SMIM40: variants seen among roughly 807,000 people sequenced by gnomAD.
SMIM40 encodes the protein small integral membrane protein 40.
intron 1 of SMIM40, among the ~76,000 whole-genome samples, chr6:33,327,858 T>G (rs1176810091): frequency 5.4e-5 from 2 of 37,050 alleles, no homozygotes; most frequent in Admixed American, 3.0e-4. Context: ...GGAGACTCTG[T>G]CACAAAAAAA....
At chr6:33,328,488 C>A (rs1771351341) in intron 1 of SMIM40, among the ~76,000 whole-genome samples, 1 of 151,988 alleles carries the variant, frequency 6.6e-6, no homozygotes, top group Admixed American at 6.6e-5. Flanking sequence ...CTGTGCCCGG[C>A]CACAATTTTA....
At position 33,329,246 on chromosome 6, in the gene SMIM40, A is replaced by C. The variant is rs1404498838; in HGVS notation, c.20T>G (p.Val7Gly). MAEEGD[V>G]DEADVFLAFA... is the part of the protein sequence containing the mutation. Reference sequence around the variant, plus strand: ...TGCCAGGAACACATCCGCCTCGTCCACATCACCTTCCTCTGCCATCCTGAC... The same window carrying C: ...TGCCAGGAACACATCCGCCTCGTCCCCATCACCTTCCTCTGCCATCCTGAC... Residue 7 changes from valine (V) to glycine (G), a missense_variant, in exon 1 of 3, where the codon GTG (valine) becomes GGG (glycine). Coordinates refer to ENST00000494082, the MANE Select transcript of SMIM40 (RefSeq NM_001369203.1). 1 of 398,618 alleles carries C rather than the reference A, an allele frequency of 2.5e-6. No individual in the cohort carries two copies. Among genetic ancestry groups the C allele is most frequent in the Non-Finnish European group, 4.4e-6 (1 of 226,178 alleles). 24.7% of individuals were successfully genotyped at this position (398,618 alleles called of 1,614,324 possible).
chr6:33,328,886 C>CAAAAAAAAAAAAAAAAAAAAAAAAAAA (rs9280408), intron 1 of SMIM40, 101 bp downstream of exon 1: 2 of 254,322 alleles, frequency 7.9e-6, no homozygotes, highest in African/African-American at 2.6e-5. Flanking sequence ...AACTCCATCT[C>CAAAAAAAAAAAAAAAAAAAAAAAAAAA]AAAAAAAAAA....
chr6:33,327,122 T>A (rs910218299), intron 1 of SMIM40, among the ~76,000 whole-genome samples: 1 of 145,706 alleles, frequency 6.9e-6, no homozygotes, highest in African/African-American at 2.7e-5. Context: ...AGACTGTGTC[T>A]CAAAAAAATA....
chr6:33,325,368 A>G, intron 1 of SMIM40, among the ~76,000 whole-genome samples: 1 of 147,476 alleles, frequency 6.8e-6, no homozygotes. Context: ...CTGTCTCAAA[A>G]AAAAAAAAAA....
At chr6:33,328,780 G>T (rs1771370149) in intron 1 of SMIM40, among the ~76,000 whole-genome samples, 1 of 151,848 alleles carries the variant, frequency 6.6e-6, no homozygotes, top group Admixed American at 6.6e-5. Flanking sequence ...CAGCTACTCA[G>T]GAGGCTGAGG....
chr6:33,324,334 C>G (rs1415216211), intron 1 of SMIM40, among the ~76,000 whole-genome samples: 1 of 151,636 alleles, frequency 6.6e-6, no homozygotes, highest in Non-Finnish European at 1.5e-5. Flanking sequence ...AAGGAAACAC[C>G]TGCAGTACAG....
Position 33,324,545 on chromosome 6 carries a change from C to CTT in SMIM40, c.*40-517_*40-516dup, listed in dbSNP as rs9280406. ...CAAGGCACCATGAATACCACCTTTTCTTTTTTTTTTTTTTTTTTTTCCTTT... is the reference window on the plus strand; with the variant it reads ...CAAGGCACCATGAATACCACCTTTTCTTTTTTTTTTTTTTTTTTTTTTCCTTT... On this transcript the variant is annotated intron_variant, in intron 1 of 2. Transcript: ENST00000494082. Among the ~76,000 whole-genome samples, 10 of 103,206 alleles carry CTT rather than the reference C, an allele frequency of 9.7e-5. No homozygotes were observed. In the South Asian group the frequency reaches 1.0e-3, roughly 10 times the overall value. 67.7% of individuals were successfully genotyped at this position (103,206 alleles called of 152,430 possible).
At chr6:33,328,961 C>A in intron 1 of SMIM40, 26 bp downstream of exon 1, 1 of 395,244 alleles carries the variant, frequency 2.5e-6, no homozygotes, top group South Asian at 1.3e-4. Context: ...CCAACACTCC[C>A]ATTTCCCTCC....
chr6:33,324,613 G>A (rs1203997427), intron 1 of SMIM40, among the ~76,000 whole-genome samples: 1 of 138,064 alleles, frequency 7.2e-6, no homozygotes, highest in Admixed American at 7.8e-5. Context: ...GGCCGGGCGC[G>A]ATGGTTCACG....
In SMIM40 at chr6:33,325,654, A is replaced by T. The variant is rs180836342; in HGVS notation, c.*40-1624T>A. Among the ~76,000 whole-genome samples, 54 of 146,418 alleles carry T rather than the reference A, an allele frequency of 3.7e-4. 1 individual carries two copies. In the East Asian group the frequency reaches 0.01, roughly 28 times the overall value. On this transcript the variant is annotated intron_variant, in intron 1 of 2. Coordinates refer to ENST00000494082, the MANE Select transcript of SMIM40 (RefSeq NM_001369203.1). ...CAGGAAATCGAGACCACCCTGGCTA[A>T]CACGGTGAAACCCTGTCTCTACTAA...
rs9280407 is a variant in SMIM40, at chr6:33,325,686, C to CAA, written c.*40-1658_*40-1657dup. Reference sequence around the variant, plus strand: ...GAAACCCTGTCTCTACTAAAAATACCAAAAAAAAAAAAAAAAAAAAATTAG... The same window carrying CAA: ...GAAACCCTGTCTCTACTAAAAATACCAAAAAAAAAAAAAAAAAAAAAAATTAG... On this transcript the variant is annotated intron_variant, in intron 1 of 2. Transcript: ENST00000494082. Among the ~76,000 whole-genome samples, 38 of 98,656 alleles carry CAA rather than the reference C, an allele frequency of 3.9e-4. 2 individuals are homozygous for CAA. The East Asian group carries it at 8.6e-3, about 22-fold the overall frequency. 64.7% of individuals were successfully genotyped at this position (98,656 alleles called of 152,430 possible). A position where few individuals can be genotyped will look rare whatever the true frequency, so the allele number is the denominator to read the frequency against.
intron 1 of SMIM40, among the ~76,000 whole-genome samples, chr6:33,325,285 TG>T (rs1771097297): frequency 7.2e-6 from 1 of 139,766 alleles, no homozygotes; most frequent in Non-Finnish European, 1.5e-5. Context: ...GAGAATCGCT[TG>T]AACCCGGGAG....
intron 1 of SMIM40, among the ~76,000 whole-genome samples, chr6:33,327,687 T>C (rs1771288904): frequency 6.6e-6 from 1 of 150,932 alleles, no homozygotes; most frequent in Non-Finnish European, 1.5e-5. Context: ...TGATGAAACC[T>C]TGTCTCTACT....
intron 1 of SMIM40, among the ~76,000 whole-genome samples, chr6:33,326,182 A>G (rs1771159501): frequency 1.4e-5 from 2 of 143,566 alleles, no homozygotes; most frequent in South Asian, 4.3e-4. Flanking sequence ...TTTTTTTGAG[A>G]TGGAGTCTTG....
chr6:33,325,711 G>A (rs1395542757), intron 1 of SMIM40, among the ~76,000 whole-genome samples: 1 of 140,422 alleles, frequency 7.1e-6, no homozygotes, highest in Non-Finnish European at 1.5e-5. Flanking sequence ...AAAAAAATTA[G>A]CTGGGCGTGG....
chr6:33,327,677 T>A (rs556498944), intron 1 of SMIM40, among the ~76,000 whole-genome samples: 1 of 151,656 alleles, frequency 6.6e-6, no homozygotes, highest in Non-Finnish European at 1.5e-5. Flanking sequence ...CTTGCCAACA[T>A]GATGAAACCT....
chr6:33,324,545 CTT>C (rs9280406), intron 1 of SMIM40, among the ~76,000 whole-genome samples: 12,332 of 103,144 alleles, frequency 0.12, 1,336 homozygotes, highest in African/African-American at 0.34. Context: ...ACCACCTTTT[CTT>C]TTTTTTTTTT....
chr6:33,326,124 A>G (rs1328406924), intron 1 of SMIM40, among the ~76,000 whole-genome samples: 3 of 149,026 alleles, frequency 2.0e-5, no homozygotes, highest in Non-Finnish European at 4.4e-5. Context: ...TGATGAAAGA[A>G]AAAAGGAATG....
Sources: allele counts gnomAD v4.1 joint callset (sites outside exome capture counted in the v4.1 genomes callset), GRCh38; gene constraint gnomAD v4.1.1; transcripts MANE v1.5; gene names NCBI Gene and HGNC (gene_info 2026-07-23, HGNC 2026-07-21).